The following ANKRD13A variants were observed in gnomAD, a reference collection of about 807,000 sequenced individuals.
ANKRD13A encodes the protein ankyrin repeat domain 13A, also known as ankyrin repeat domain-containing protein 13A.
In ANKRD13A, 48 loss-of-function variants were observed where a neutral mutation model predicts 81.3. That is an observed-to-expected ratio of 0.59 (90% CI 0.47 to 0.75). The LOEUF is 0.75. Among genes scored for constraint, ANKRD13A ranks in the 30% least tolerant of loss-of-function variants. The probability of loss-of-function intolerance (pLI) is 0.00; values close to 1 mark genes in which losing one functional copy is unlikely to be tolerated. For missense variants in ANKRD13A, 612 were observed against 734.0 expected (o/e 0.83, Z 1.92); for synonymous variants, 230 against 270.1 (o/e 0.85, Z 1.45).
At chr12:110,011,979 T>C (rs966747713) in intron 1 of ANKRD13A, 26 bp from the exon 2 acceptor site, 8 of 1,573,960 alleles carry the variant, frequency 5.1e-6, no homozygotes, top group Admixed American at 1.7e-5. Flanking sequence ...CATCCAATTA[T>C]GTAAATGCCA....
chr12:110,037,029 G>A (rs902503457), intron 14 of ANKRD13A, among the ~76,000 whole-genome samples: 7 of 152,182 alleles, frequency 4.6e-5, no homozygotes, highest in East Asian at 3.8e-4. Flanking sequence ...CAGAGATTAC[G>A]GGAAAAACCG....
At position 110,027,778 on chromosome 12, in the gene ANKRD13A, C is replaced by T. The variant is rs565452496; in HGVS notation, c.945+12C>T. On this transcript the variant is annotated intron_variant, in intron 9 of 14. Transcript: ENST00000261739. ...TTGGTGCACAAGGGGTAAGTTGAAGCAATGAGCTTTCATTGCAGTTAGATG... is the reference window on the plus strand; with the variant it reads ...TTGGTGCACAAGGGGTAAGTTGAAGTAATGAGCTTTCATTGCAGTTAGATG... The T allele has an allele frequency of 1.8e-5, 29 of 1,613,856 alleles. No individual in the cohort carries two copies. The East Asian group carries it at 6.5e-4, about 36-fold the overall frequency.
chr12:110,027,870 A>G (rs1891432120), intron 9 of ANKRD13A, 104 bp downstream of exon 9: 2 of 1,086,586 alleles, frequency 1.8e-6, no homozygotes, highest in Non-Finnish European at 2.8e-6. Context: ...CTCTATGTAA[A>G]GGCCAAAGAT....
chr12:109,999,417 C>T (rs1889815443), upstream of ANKRD13A: 3 of 193,834 alleles, frequency 1.5e-5, no homozygotes, highest in Non-Finnish European at 3.1e-5. The surrounding 1 kb of genome is among the most constrained non-coding windows in gnomAD (Gnocchi z 4.3). Context: ...CTGTTTGGGG[C>T]AGTTAGGTCC....
chr12:110,027,283 G>A (rs150289231), intron 8 of ANKRD13A: 42 of 180,892 alleles, frequency 2.3e-4, no homozygotes, highest in Non-Finnish European at 4.1e-4. Context: ...GATGAGTTAC[G>A]ACGTGGAAGC....
intron 2 of ANKRD13A, 39 bp from the exon 3 acceptor site, chr12:110,013,086 G>C (rs770812329): frequency 6.2e-7 from 1 of 1,609,502 alleles, no homozygotes; most frequent in Non-Finnish European, 8.5e-7. Context: ...GAATTTGTCA[G>C]AAAGTATGAG....
intron 7 of ANKRD13A, among the ~76,000 whole-genome samples, chr12:110,025,355 C>CA (rs1039859014): frequency 0.018 from 1,188 of 65,118 alleles, 7 homozygotes; most frequent in East Asian, 0.034. Flanking sequence ...GACTCTGTCT[C>CA]AAAAAAAAAA....
chr12:110,025,939 A>T, intron 8 of ANKRD13A, 116 bp downstream of exon 8: 2 of 787,062 alleles, frequency 2.5e-6, no homozygotes, highest in Non-Finnish European at 2.0e-6. Context: ...GTTAAGCCTA[A>T]CCCTAACTTC....
At chr12:110,014,570 T>G (rs1890693696) in intron 3 of ANKRD13A, among the ~76,000 whole-genome samples, 1 of 152,216 alleles carries the variant, frequency 6.6e-6, no homozygotes, top group Admixed American at 6.5e-5. Context: ...AAGCTGTCAT[T>G]GATGTCTTGT....
intron 8 of ANKRD13A, 141 bp downstream of exon 8, chr12:110,025,964 C>CT (rs748271339): frequency 0.083 from 41,166 of 497,520 alleles, 5 homozygotes; most frequent in East Asian, 0.099. Context: ...CTCTCTCTCT[C>CT]TTTTTTTTTT....
Position 110,025,832 on chromosome 12 carries a change from C to A in ANKRD13A, c.883+9C>A. The A allele has an allele frequency of 2.5e-6, 4 of 1,609,212 alleles. No homozygotes were observed. The highest frequency in any genetic ancestry group is 3.4e-6 in the Non-Finnish European group (4 of 1,176,160). On this transcript the variant is annotated intron_variant, in intron 8 of 14. Coordinates refer to ENST00000261739, the MANE Select transcript of ANKRD13A (RefSeq NM_033121.2). Reference sequence around the variant, plus strand: ...AAAAAAGAGATATAAAGGTAATCACCACCACCCTCCCACCTCCTGTTTTGT... The same window carrying A: ...AAAAAAGAGATATAAAGGTAATCACAACCACCCTCCCACCTCCTGTTTTGT...
rs1399898282 is a variant in ANKRD13A, at chr12:110,028,574, C to T, written c.1008C>T (p.Phe336=). 2 of 1,614,128 alleles carry T rather than the reference C, an allele frequency of 1.2e-6. No individual in the cohort carries two copies. The highest frequency in any genetic ancestry group is 1.1e-5 in the South Asian group (1 of 91,074). ...CAGCCATCACGCCTGATGAGTACTT[C>T]AATGAAGAGTTTGATCTGAAAGACA... The part of the protein sequence containing the change: ...NPTAITPDEY[F]NEEFDLKDRD... Residue 336 remains phenylalanine, a synonymous_variant, in exon 10 of 15, where the codon TTC becomes TTT. Coordinates refer to ENST00000261739, the MANE Select transcript of ANKRD13A (RefSeq NM_033121.2).
Position 110,025,592 on chromosome 12 carries a change from C to T in ANKRD13A, c.802-150C>T, listed in dbSNP as rs566760207. 11 of 648,838 alleles carry T rather than the reference C, an allele frequency of 1.7e-5. No individual in the cohort carries two copies. The South Asian group carries it at 2.1e-4, about 13-fold the overall frequency. The allele number at this position is 648,838 out of a possible 1,614,324, so 40.2% of individuals were successfully genotyped here. ...TCAGTTGATAGTTTATATACTTTCTCTGAAGGATCCTAATGATAGTTAACC... is the reference window on the plus strand; with the variant it reads ...TCAGTTGATAGTTTATATACTTTCTTTGAAGGATCCTAATGATAGTTAACC... On this transcript the variant is annotated intron_variant, in intron 7 of 14. Coordinates refer to ENST00000261739, the MANE Select transcript of ANKRD13A (RefSeq NM_033121.2).
chr12:110,000,971 G>A, intron 1 of ANKRD13A, among the ~76,000 whole-genome samples: 1 of 151,484 alleles, frequency 6.6e-6, no homozygotes, highest in East Asian at 1.9e-4. Context: ...TGGTCAGGCT[G>A]GTCTCAAACT....
intron 1 of ANKRD13A, among the ~76,000 whole-genome samples, chr12:110,010,480 G>A (rs537119788): frequency 3.9e-5 from 6 of 152,318 alleles, no homozygotes; most frequent in African/African-American, 1.4e-4. Context: ...TAGAGACTAA[G>A]GTAAGAGAAT....
At position 110,018,230 on chromosome 12, in the gene ANKRD13A, G is replaced by C. The variant is rs1302664323; in HGVS notation, c.401-115G>C. ...ATGAAAGCCAAGAAGTCCGTTGTTT[G>C]ATGGTCACCATCTTGCCACTCCCCT... On this transcript the variant is annotated intron_variant, in intron 4 of 14. Coordinates refer to ENST00000261739, the MANE Select transcript of ANKRD13A (RefSeq NM_033121.2). The surrounding 1 kb of genome is among the most constrained non-coding windows in gnomAD (Gnocchi z 4.4). The C allele has an allele frequency of 2.4e-5, 27 of 1,106,206 alleles. No homozygotes were observed. In the Admixed American group the frequency reaches 4.9e-4, roughly 20 times the overall value. The allele number at this position is 1,106,206 out of a possible 1,614,324, so 68.5% of individuals were successfully genotyped here.
intron 3 of ANKRD13A, among the ~76,000 whole-genome samples, chr12:110,013,508 C>T (rs1348023126): frequency 6.6e-6 from 1 of 152,150 alleles, no homozygotes; most frequent in African/African-American, 2.4e-5. Flanking sequence ...TGTAGTGGCT[C>T]ATGCCTATAT....
intron 4 of ANKRD13A, among the ~76,000 whole-genome samples, chr12:110,017,255 C>T (rs1484229581): frequency 6.6e-6 from 1 of 152,144 alleles, no homozygotes; most frequent in African/African-American, 2.4e-5. Flanking sequence ...GTAGATTTAC[C>T]ATAATTTACT....
intron 3 of ANKRD13A, 85 bp from the exon 4 acceptor site, chr12:110,016,303 G>A: frequency 9.8e-7 from 1 of 1,020,542 alleles, no homozygotes. Context: ...TTAACCCAGG[G>A]TTTTTAAGAA....
Sources: allele counts gnomAD v4.1 joint callset (sites outside exome capture counted in the v4.1 genomes callset), GRCh38; gene constraint gnomAD v4.1.1; non-coding constraint Gnocchi (gnomAD v3.1); transcripts MANE v1.5; gene names NCBI Gene and HGNC (gene_info 2026-07-23, HGNC 2026-07-21).